Variants in MFAP3 observed in about 807,000 individuals in gnomAD.
MFAP3 encodes microfibril associated protein 3, also known as microfibril-associated glycoprotein 3.
In MFAP3, 8 loss-of-function variants were observed where a neutral mutation model predicts 20.5. That is an observed-to-expected ratio of 0.39 (90% CI 0.23 to 0.70). The LOEUF (loss-of-function observed/expected upper bound fraction) is 0.70, where lower values mean the gene tolerates loss of function less well. Ranked by LOEUF, MFAP3 falls within the 30% of genes least tolerant of loss-of-function variation. The pLI is 0.44. For synonymous variants in MFAP3, 140 were observed against 154.0 expected (o/e 0.91, Z 0.67); for missense variants, 398 against 444.6 (o/e 0.90, Z 0.94).
At position 154,057,183 on chromosome 5, in the gene MFAP3, A is replaced by G. The variant is rs1245840553; in HGVS notation, c.*3470A>G. Reference sequence around the variant, plus strand: ...AGCAAGTAGAACCCAAGTGTATTGTATAAATATTTCCTGAGTACCAGTAAG... The same window carrying G: ...AGCAAGTAGAACCCAAGTGTATTGTGTAAATATTTCCTGAGTACCAGTAAG... On this transcript the variant is annotated 3_prime_UTR_variant, in exon 3 of 3. Transcript: ENST00000522782. Among the ~76,000 whole-genome samples the G allele has an allele frequency of 1.3e-5, 2 of 152,216 alleles. No homozygotes were observed. Among genetic ancestry groups the G allele is most frequent in the Non-Finnish European group, 2.9e-5 (2 of 68,034 alleles).
rs1773142050 is a variant in MFAP3, at chr5:154,049,790, A to ATT, written c.68_69insTT (p.Glu23AspfsTer2). On this transcript the variant is annotated frameshift_variant, in exon 2 of 3. Coordinates refer to ENST00000522782, the MANE Select transcript of MFAP3 (RefSeq NM_005927.5). LOFTEE classifies it high-confidence loss of function. ...ATTGTGCCAGCTGCTTTTGTTTTGG[A>ATT]AGATGTGGACTTCGACCAAATGGTT... 1 of 1,613,484 alleles carries ATT rather than the reference A, an allele frequency of 6.2e-7. No homozygotes were observed. The highest frequency in any genetic ancestry group is 8.5e-7 in the Non-Finnish European group (1 of 1,179,688).
At chr5:154,043,567 C>CACAA (rs1029386615) in intron 1 of MFAP3, among the ~76,000 whole-genome samples, 4 of 151,702 alleles carry the variant, frequency 2.6e-5, no homozygotes, top group Non-Finnish European at 5.9e-5. Flanking sequence ...CACACACACA[C>CACAA]AAAAAGGAAA....
intron 1 of MFAP3, among the ~76,000 whole-genome samples, chr5:154,047,400 A>G (rs952333327): frequency 1.3e-5 from 2 of 152,184 alleles, no homozygotes; most frequent in African/African-American, 2.4e-5. Context: ...CAGTATATGA[A>G]AATGTATCCC....
chr5:154,046,159 A>G (rs557482938), intron 1 of MFAP3, among the ~76,000 whole-genome samples: 6 of 152,192 alleles, frequency 3.9e-5, no homozygotes, highest in Non-Finnish European at 7.3e-5. Context: ...TATTCCTACC[A>G]TTATCCTCTA....
At chr5:154,050,396 G>T (rs1773161509) in intron 2 of MFAP3, among the ~76,000 whole-genome samples, 2 of 152,116 alleles carry the variant, frequency 1.3e-5, no homozygotes, top group African/African-American at 4.8e-5. Context: ...GTAGTACAGT[G>T]TGGTGGCCCT....
chr5:154,045,640 A>G (rs1773058239), intron 1 of MFAP3, among the ~76,000 whole-genome samples: 1 of 152,122 alleles, frequency 6.6e-6, no homozygotes, highest in African/African-American at 2.4e-5. Flanking sequence ...ATACTACCTC[A>G]TTCAGACTTT....
At chr5:154,040,598 G>A (rs1423071876) in intron 1 of MFAP3, among the ~76,000 whole-genome samples, 2 of 152,288 alleles carry the variant, frequency 1.3e-5, no homozygotes, top group African/African-American at 2.4e-5. Flanking sequence ...ACTGAATTAC[G>A]GTGATTGTCA....
chr5:154,047,297 G>A (rs932109664), intron 1 of MFAP3, among the ~76,000 whole-genome samples: 1 of 152,160 alleles, frequency 6.6e-6, no homozygotes, highest in Non-Finnish European at 1.5e-5. Context: ...TGTAGTTAGT[G>A]TCCATCATCT....
At chr5:154,044,365 A>G (rs1773028765) in intron 1 of MFAP3, among the ~76,000 whole-genome samples, 1 of 151,924 alleles carries the variant, frequency 6.6e-6, no homozygotes, top group Non-Finnish European at 1.5e-5. Context: ...TTCCCTCACT[A>G]TTTTTTTCTG....
At position 154,049,733 on chromosome 5, in the gene MFAP3, A is replaced by G. The variant is rs762528244; in HGVS notation, c.11A>G (p.His4Arg). The change falls in exon 2 of 3, where the codon CAT becomes CGT. Residue 4 changes from histidine (H) to arginine (R), a missense_variant. Transcript: ENST00000522782. ...TTGTCCCATTTTCCCATGAAGCTAC[A>G]TTGTTGCTTATTCACTTTAGTGGCA... MKLHCCLFTLVASI... is the reference protein window; with the variant it reads MKLRCCLFTLVASI... 5 of 1,612,320 alleles carry G rather than the reference A, an allele frequency of 3.1e-6. No individual in the cohort carries two copies. The highest frequency in any genetic ancestry group is 3.4e-6 in the Non-Finnish European group (4 of 1,178,748).
intron 2 of MFAP3, chr5:154,051,842 G>T (rs1486946519): frequency 6.6e-6 from 1 of 152,162 alleles, no homozygotes; most frequent in Non-Finnish European, 1.5e-5. Flanking sequence ...GGGGATGAAA[G>T]AGATTTTGAA....
At chr5:154,048,050 A>G (rs1167103599) in intron 1 of MFAP3, among the ~76,000 whole-genome samples, 2 of 152,178 alleles carry the variant, frequency 1.3e-5, no homozygotes, top group Non-Finnish European at 2.9e-5. Flanking sequence ...CATTGTTTCT[A>G]CCCATCACCC....
At chr5:154,039,565 A>G (rs1772858027) in intron 1 of MFAP3, among the ~76,000 whole-genome samples, 1 of 152,206 alleles carries the variant, frequency 6.6e-6, no homozygotes, top group Admixed American at 6.5e-5. Context: ...GAGCAAGGAT[A>G]AAGAGTTTGA....
At chr5:154,052,589 A>G (rs1160329416) in intron 2 of MFAP3, among the ~76,000 whole-genome samples, 5 of 152,184 alleles carry the variant, frequency 3.3e-5, no homozygotes, top group Admixed American at 6.5e-5. Context: ...TGTATAAACT[A>G]TAAGCTTTTT....
intron 1 of MFAP3, among the ~76,000 whole-genome samples, chr5:154,041,542 A>G (rs1174485044): frequency 6.6e-6 from 1 of 152,210 alleles, no homozygotes; most frequent in East Asian, 1.9e-4. Context: ...ACATAGAGGC[A>G]CCTCTGGGCT....
chr5:154,043,727 A>AATATAT lies in MFAP3; in HGVS notation c.-167+4727_-167+4732dup, dbSNP rs367632606. Among the ~76,000 whole-genome samples, 769 of 114,762 alleles carry AATATAT rather than the reference A, an allele frequency of 6.7e-3. 6 individuals carry two copies. Among genetic ancestry groups the AATATAT allele is most frequent in the South Asian group, 0.038 (133 of 3,468 alleles). The allele number at this position is 114,762 out of a possible 152,430, so 75.3% of individuals were successfully genotyped here. On this transcript the variant is annotated intron_variant, in intron 1 of 2. Coordinates refer to ENST00000522782, the MANE Select transcript of MFAP3 (RefSeq NM_005927.5). ...CTGCTACATTAAAAACAGCAGGCATAATATATATATATATATTTTTTTTTC... is the reference window on the plus strand; with the variant it reads ...CTGCTACATTAAAAACAGCAGGCATAATATATATATATATATATATATTTTTTTTTC...
rs1213236843 is a variant in MFAP3, at chr5:154,054,648, A to G, written c.*935A>G. 2 of 167,052 alleles carry G rather than the reference A, an allele frequency of 1.2e-5. No individual in the cohort carries two copies. The highest frequency in any genetic ancestry group is 2.1e-4 in the South Asian group (1 of 4,834). The allele number at this position is 167,052 out of a possible 1,614,324, so 10.3% of individuals were successfully genotyped here. ...TCTCAGGCTTTCCCTTTTTAAAAGT[A>G]TTGGACTCTACAAATAGGTTCTATA... On this transcript the variant is annotated 3_prime_UTR_variant, in exon 3 of 3. Coordinates refer to ENST00000522782, the MANE Select transcript of MFAP3 (RefSeq NM_005927.5).
intron 2 of MFAP3, 147 bp downstream of exon 2, chr5:154,050,164 C>T: frequency 1.5e-6 from 1 of 655,890 alleles, no homozygotes; most frequent in Non-Finnish European, 2.3e-6. Context: ...TTGTACCTAT[C>T]AGAAAATGCA....
rs796160682 is a variant in MFAP3, at chr5:154,055,056, A to G, written c.*1343A>G. The G allele has an allele frequency of 1.4e-4, 23 of 167,176 alleles. No homozygotes were observed. Among genetic ancestry groups the G allele is most frequent in the African/African-American group, 5.3e-4 (22 of 41,592 alleles). 10.4% of individuals were successfully genotyped at this position (167,176 alleles called of 1,614,324 possible). Reference sequence around the variant, plus strand: ...ACATTTCTTGCCTGGCTGAGATCTGATATAATGGAATTGTAAATACTCTTC... The same window carrying G: ...ACATTTCTTGCCTGGCTGAGATCTGGTATAATGGAATTGTAAATACTCTTC... On this transcript the variant is annotated 3_prime_UTR_variant, in exon 3 of 3. Transcript: ENST00000522782.
Sources: gnomAD v4.1 joint callset for allele counts (sites outside exome capture counted in the v4.1 genomes callset) on GRCh38, gnomAD v4.1.1 for gene constraint, MANE v1.5 for transcripts, NCBI Gene and HGNC (gene_info 2026-07-23, HGNC 2026-07-21) for gene names.